The following NFRKB variants were observed in gnomAD, a reference collection of about 807,000 sequenced individuals.
NFRKB encodes the protein nuclear factor related to kappa-B-binding protein.
A neutral mutation model predicts 135.7 loss-of-function variants in NFRKB; 62 were observed. That is an observed-to-expected ratio of 0.46 (90% confidence interval 0.37 to 0.56). The LOEUF is 0.56. Ranked by LOEUF, NFRKB falls within the 20% of genes least tolerant of loss-of-function variation. NFRKB has a pLI of 0.00. For missense variants in NFRKB, 1,545 were observed against 1,662.0 expected (o/e 0.93, Z 1.22); for synonymous variants, 678 against 635.6 (o/e 1.07, Z -1.00).
intron 10 of NFRKB, 61 bp downstream of exon 10, chr11:129,882,390 G>T: frequency 6.4e-7 from 1 of 1,564,996 alleles, no homozygotes; most frequent in Non-Finnish European, 8.7e-7. Flanking sequence ...TAGGGGCCAG[G>T]GCACAGCCTA....
intron 3 of NFRKB, among the ~76,000 whole-genome samples, chr11:129,890,484 A>G (rs1472258363): frequency 6.6e-6 from 1 of 152,184 alleles, no homozygotes; most frequent in Non-Finnish European, 1.5e-5. Flanking sequence ...GGGAGGGAGG[A>G]TCAGAGAACA....
intron 23 of NFRKB, 52 bp downstream of exon 23, chr11:129,872,832 T>G: frequency 1.3e-6 from 2 of 1,526,932 alleles, no homozygotes; most frequent in East Asian, 2.3e-5. Context: ...GCTCCAGTGG[T>G]CCCTGCTCCA....
In NFRKB at chr11:129,874,993, T is replaced by A; in HGVS notation, c.1855-77A>T. On this transcript the variant is annotated intron_variant, in intron 18 of 26. Coordinates refer to ENST00000682444, the MANE Select transcript of NFRKB (RefSeq NM_001143835.2). This position sits in a 1 kb window ranked among gnomAD's most constrained non-coding sequence, Gnocchi z 4.5. The stretch of plus-strand genomic sequence containing the variant: ...AGTTATTTGAACTCTAGGAAAAAAA[T>A]GTCATTGTATCTAAATCACAGCTGA... The A allele has an allele frequency of 5.7e-6, 9 of 1,566,928 alleles. No homozygotes were observed. The highest frequency in any genetic ancestry group is 1.4e-5 in the African/African-American group (1 of 74,016).
At chr11:129,890,722 C>T (rs997348483) in intron 3 of NFRKB, among the ~76,000 whole-genome samples, 1 of 152,108 alleles carries the variant, frequency 6.6e-6, no homozygotes, top group African/African-American at 2.4e-5. Flanking sequence ...ACTTAATAAA[C>T]GGTAGCCACC....
intron 24 of NFRKB, among the ~76,000 whole-genome samples, chr11:129,868,174 T>G (rs1948301954): frequency 6.6e-6 from 1 of 152,142 alleles, no homozygotes; most frequent in South Asian, 2.1e-4. Context: ...GATGACAGAC[T>G]GGAAAAAAAT....
intron 23 of NFRKB, 144 bp from the exon 24 acceptor site, chr11:129,870,405 G>A (rs1948446811): frequency 5.3e-6 from 5 of 937,628 alleles, no homozygotes; most frequent in Non-Finnish European, 7.8e-6. Context: ...CAGAAGTAGA[G>A]AACAGTATAA....
chr11:129,882,472 GC>G lies in NFRKB; in HGVS notation c.1060del (p.Ala354GlnfsTer31). ...TTACTCTTCCTTGATAGCAGGAATT[GC>G]CAGCGGAGAGGGGGCCTGTGAGAGA... is the stretch of plus-strand genomic sequence containing the variant. ...APLSQAPSPL[A>X]IPAIKEEPLE... On this transcript the variant is annotated frameshift_variant, in exon 10 of 27. Transcript: ENST00000682444. LOFTEE classifies it high-confidence loss of function. 6.2e-7 allele frequency: 1 copy of G among 1,613,282 alleles called. No individual in the cohort carries two copies. Among genetic ancestry groups the G allele is most frequent in the Non-Finnish European group, 8.5e-7 (1 of 1,179,732 alleles).
intron 6 of NFRKB, 33 bp downstream of exon 6, chr11:129,885,402 C>T: frequency 6.3e-7 from 1 of 1,577,992 alleles, no homozygotes; most frequent in South Asian, 1.2e-5. Flanking sequence ...CCATCCAATA[C>T]CCCAGCTACC....
intron 23 of NFRKB, chr11:129,872,508 T>A (rs1431122414): frequency 5.7e-6 from 1 of 175,258 alleles, no homozygotes; most frequent in Non-Finnish European, 1.2e-5. Flanking sequence ...TGAAGTTCGA[T>A]GATTATTCTT....
chr11:129,870,381 T>A, intron 23 of NFRKB, 120 bp from the exon 24 acceptor site: 1 of 1,159,304 alleles, frequency 8.6e-7, no homozygotes. Flanking sequence ...AACTTTTTAT[T>A]TTGCAAACAT....
intron 1 of NFRKB, among the ~76,000 whole-genome samples, chr11:129,895,286 A>G (rs1410513026): frequency 6.6e-6 from 1 of 152,036 alleles, no homozygotes; most frequent in Admixed American, 6.5e-5. Context: ...CCCGGGTCCA[A>G]TCCTCAGAAC....
intron 3 of NFRKB, 68 bp from the exon 4 acceptor site, chr11:129,888,863 C>T (rs1949404152): frequency 1.8e-6 from 2 of 1,107,686 alleles, no homozygotes; most frequent in African/African-American, 3.1e-5. Flanking sequence ...TATGCGTATA[C>T]AAAACATTAC....
intron 15 of NFRKB, 78 bp from the exon 16 acceptor site, chr11:129,877,463 T>A (rs753969261): frequency 7.1e-5 from 92 of 1,296,188 alleles, no homozygotes; most frequent in Non-Finnish European, 1.0e-4. Context: ...TCAGAACCAT[T>A]CCCACTGTGA....
intron 4 of NFRKB, among the ~76,000 whole-genome samples, chr11:129,888,024 G>A (rs968881630): frequency 1.3e-5 from 2 of 151,988 alleles, no homozygotes; most frequent in African/African-American, 2.4e-5. Context: ...GCGACACAGC[G>A]AGACTCTGTC....
intron 23 of NFRKB, 129 bp from the exon 24 acceptor site, chr11:129,870,390 A>G: frequency 9.3e-7 from 1 of 1,071,904 alleles, no homozygotes; most frequent in Non-Finnish European, 1.3e-6. Context: ...TTTTGCAAAC[A>G]TTCACAGAAG....
At chr11:129,882,038 A>C in intron 11 of NFRKB, 48 bp downstream of exon 11, 4 of 1,522,438 alleles carry the variant, frequency 2.6e-6, no homozygotes, top group Non-Finnish European at 3.6e-6. Flanking sequence ...TCAGGATTTG[A>C]ACACTTTGAA....
At chr11:129,870,329 C>CA (rs1948442082) in intron 23 of NFRKB, 68 bp from the exon 24 acceptor site, 1 of 1,509,764 alleles carries the variant, frequency 6.6e-7, no homozygotes, top group African/African-American at 1.4e-5. Context: ...TACAACTAGA[C>CA]AAACTTCCGT....
Position 129,883,160 on chromosome 11 carries a change from A to T in NFRKB, c.863T>A (p.Met288Lys). 6.2e-7 allele frequency: 1 copy of T among 1,614,086 alleles called. No homozygotes were observed. Among genetic ancestry groups the T allele is most frequent in the Non-Finnish European group, 8.5e-7 (1 of 1,179,996 alleles). Residue 288 changes from methionine (M) to lysine (K), a missense_variant, in exon 9 of 27, where the codon ATG (methionine) becomes AAG (lysine). By Grantham distance (95) the Met-to-Lys change is moderately conservative (BLOSUM62 -1). Around this residue, in one of 3 missense-constraint regions of NFRKB, gnomAD observed 678 missense variants for 646.7 expected, o/e 1.05. Coordinates refer to ENST00000682444, the MANE Select transcript of NFRKB (RefSeq NM_001143835.2). ...CTTCCTGCCAGCATTTACTCGAGTC[A>T]TGATGTCATTGAGAGTCAGGTCCCC... ...LTGDLTLNDI[M>K]TRVNAGRKGS...
At position 129,888,680 on chromosome 11, in the gene NFRKB, T is replaced by C. The variant is rs745636861; in HGVS notation, c.251A>G (p.Gln84Arg). The change falls in exon 4 of 27, where the codon CAG (glutamine) becomes CGG (arginine). Residue 84 changes from glutamine to arginine, a missense_variant. By Grantham distance (43) the Gln-to-Arg change is conservative. Coordinates refer to ENST00000682444, the MANE Select transcript of NFRKB (RefSeq NM_001143835.2). ...CAAGGCTAAGATGAGTTCATTCTGCTGCTCAGCACTGTCTTCAGGAAACTG... is the reference window on the plus strand; with the variant it reads ...CAAGGCTAAGATGAGTTCATTCTGCCGCTCAGCACTGTCTTCAGGAAACTG... ...LPQFPEDSAE[Q>R]QNELILALFS... The C allele has an allele frequency of 2.5e-6, 4 of 1,614,218 alleles. No individual in the cohort carries two copies. In the South Asian group the frequency reaches 3.3e-5, roughly 13 times the overall value.
Sources: gnomAD v4.1 joint callset for allele counts (sites outside exome capture counted in the v4.1 genomes callset) on GRCh38, gnomAD v4.1.1 for gene constraint, gnomAD v4.1.1 regional missense constraint, Gnocchi (gnomAD v3.1) non-coding constraint, MANE v1.5 for transcripts, NCBI Gene and HGNC (gene_info 2026-07-23, HGNC 2026-07-21) for gene names.